Variants in OVOL2 observed in about 807,000 individuals in gnomAD.
OVOL2 encodes transcription factor Ovo-like 2.
A neutral mutation model predicts 18.1 loss-of-function variants in OVOL2; 13 were observed. That is an observed-to-expected ratio of 0.72 (90% confidence interval 0.47 to 1.14). The LOEUF is 1.14. Ranked by LOEUF, OVOL2 falls within the 50% of genes most tolerant of loss-of-function variation. OVOL2 has a pLI of 0.00. For synonymous variants in OVOL2, 166 were observed against 162.7 expected (o/e 1.02, Z -0.16); for missense variants, 335 against 383.0 (o/e 0.87, Z 1.05).
At chr20:18,042,559 C>T (rs2036682071) in intron 2 of OVOL2, among the ~76,000 whole-genome samples, 1 of 151,764 alleles carries the variant, frequency 6.6e-6, no homozygotes, top group African/African-American at 2.4e-5. Context: ...GGTGGATCAC[C>T]TGAGGTCGGG....
At chr20:18,028,081 G>A (rs73094950) in intron 3 of OVOL2, among the ~76,000 whole-genome samples, 1,674 of 152,258 alleles carry the variant, frequency 0.011, 16 homozygotes, top group Non-Finnish European at 0.017. Flanking sequence ...GGAGAAACCC[G>A]CAGACCCTGT....
rs368398117 is a variant in OVOL2 at position 18,041,131 on chromosome 20, C to T, written c.511+403G>A. Among the ~76,000 whole-genome samples the T allele has an allele frequency of 2.0e-5, 3 of 152,290 alleles. No homozygotes were observed. In the South Asian group the frequency reaches 6.2e-4, roughly 32 times the overall value. ...GAGTCAGGAGGTGAACCCAGAAGGG[C>T]TGGCCCTAACGCCCCATCATCTTGT... On this transcript the variant is annotated intron_variant, in intron 3 of 3. Transcript: ENST00000278780.
At position 18,024,546 on chromosome 20, in the gene OVOL2, G is replaced by A; in HGVS notation, c.*90C>T. ...AGGTGAACTGGTCACTTCTAATTAA[G>A]AAGAGCCAGTGGGGTGGGGGAAGCT... On this transcript the variant is annotated 3_prime_UTR_variant, in exon 4 of 4. Coordinates refer to ENST00000278780, the MANE Select transcript of OVOL2 (RefSeq NM_021220.4). 6.8e-7 allele frequency: 1 copy of A among 1,464,166 alleles called. No individual in the cohort carries two copies. The highest frequency in any genetic ancestry group is 9.0e-7 in the Non-Finnish European group (1 of 1,105,640). The allele number at this position is 1,464,166 out of a possible 1,614,324, so 90.7% of individuals were successfully genotyped here.
chr20:18,027,886 C>T (rs575496977), intron 3 of OVOL2, among the ~76,000 whole-genome samples: 9 of 152,098 alleles, frequency 5.9e-5, no homozygotes, highest in South Asian at 2.1e-4. Context: ...TGAGCCACTG[C>T]GCCCGGCTGT....
intron 2 of OVOL2, among the ~76,000 whole-genome samples, chr20:18,044,874 G>A (rs1322752824): frequency 6.6e-6 from 1 of 152,166 alleles, no homozygotes; most frequent in Admixed American, 6.5e-5. Context: ...GTGTGGTTCA[G>A]CATGGCTAGC....
At chr20:18,025,624 C>G (rs922220278) in intron 3 of OVOL2, among the ~76,000 whole-genome samples, 1 of 152,064 alleles carries the variant, frequency 6.6e-6, no homozygotes, top group African/African-American at 2.4e-5. Flanking sequence ...GATTCCAGTA[C>G]AAGTAGTTTA....
chr20:18,040,944 C>T (rs1325275443), intron 3 of OVOL2, among the ~76,000 whole-genome samples: 2 of 152,128 alleles, frequency 1.3e-5, no homozygotes, highest in African/African-American at 4.8e-5. Context: ...TGTGGCAGGC[C>T]CCGCGTGTGT....
chr20:18,035,114 A>G (rs17803282), intron 3 of OVOL2, among the ~76,000 whole-genome samples: 18,384 of 152,244 alleles, frequency 0.12, 1,209 homozygotes, highest in Middle Eastern at 0.16. Context: ...TTTACTTATA[A>G]GAACCAATAG....
At position 18,054,690 on chromosome 20, in the gene OVOL2, T is replaced by A. The variant is rs544790315; in HGVS notation, c.321+1967A>T. Among the ~76,000 whole-genome samples, 5 of 143,520 alleles carry A rather than the reference T, an allele frequency of 3.5e-5. No homozygotes were observed. In the East Asian group the frequency reaches 1.0e-3, roughly 29 times the overall value. The allele number at this position is 143,520 out of a possible 152,430, so 94.2% of individuals were successfully genotyped here. ...CCGGGAGGCAGAGGTTGCAGTGAGCTAAGATCCAGCCATTGCACTCAGCTA... is the reference window on the plus strand; with the variant it reads ...CCGGGAGGCAGAGGTTGCAGTGAGCAAAGATCCAGCCATTGCACTCAGCTA... On this transcript the variant is annotated intron_variant, in intron 2 of 3. Coordinates refer to ENST00000278780, the MANE Select transcript of OVOL2 (RefSeq NM_021220.4).
rs528401680 is a variant in OVOL2, at chr20:18,025,153, AAAACAAAC to A, written c.512-209_512-202del. 4.5e-3 allele frequency among the ~76,000 whole-genome samples: 688 copies of A among 152,278 alleles called. 4 individuals carry two copies. The highest frequency in any genetic ancestry group is 8.3e-3 in the Non-Finnish European group (566 of 68,014). ...CTAACACAAACAGATGCCAACATAG[AAAACAAAC>A]AAACAAACAAACAAACAAAACCACC... On this transcript the variant is annotated intron_variant, in intron 3 of 3. Transcript: ENST00000278780.
At chr20:18,058,632 C>T (rs540282022), upstream of OVOL2, among the ~76,000 whole-genome samples, 3 of 151,932 alleles carry the variant, frequency 2.0e-5, no homozygotes, top group African/African-American at 7.2e-5. Context: ...AAACAAGCCC[C>T]CAATCCTCGC....
intron 2 of OVOL2, among the ~76,000 whole-genome samples, chr20:18,048,787 A>G (rs2036746618): frequency 6.6e-6 from 1 of 152,224 alleles, no homozygotes; most frequent in South Asian, 2.1e-4. Context: ...CGTGACAGTG[A>G]AATCTGACCT....
At chr20:18,038,174 C>G (rs571138303) in intron 3 of OVOL2, among the ~76,000 whole-genome samples, 3 of 152,086 alleles carry the variant, frequency 2.0e-5, no homozygotes, top group Non-Finnish European at 4.4e-5. Context: ...AGTTATTCCT[C>G]CCTATGTTGG....
At chr20:18,039,153 G>GGCA (rs200711745) in intron 3 of OVOL2, among the ~76,000 whole-genome samples, 1,743 of 152,328 alleles carry the variant, frequency 0.011, 27 homozygotes, top group African/African-American at 0.037. Flanking sequence ...GAGAGAAAAA[G>GGCA]GCAGACTGAG....
intron 3 of OVOL2, among the ~76,000 whole-genome samples, chr20:18,028,430 G>T (rs994286645): frequency 2.0e-5 from 3 of 151,922 alleles, no homozygotes; most frequent in African/African-American, 7.2e-5. Flanking sequence ...ACCTGCCTTG[G>T]CCTCTCAAAG....
chr20:18,058,414 C>CCA (rs1555797000), upstream of OVOL2, among the ~76,000 whole-genome samples: 100 of 149,692 alleles, frequency 6.7e-4, no homozygotes, highest in African/African-American at 2.3e-3. Flanking sequence ...ACCCCCCCCC[C>CCA]ATAAGCAGTA....
intron 3 of OVOL2, among the ~76,000 whole-genome samples, chr20:18,039,677 CTA>C (rs1213131093): frequency 6.7e-6 from 1 of 149,994 alleles, no homozygotes; most frequent in African/African-American, 2.5e-5. Flanking sequence ...CAGAAAAGAA[CTA>C]TGTTAGGATT....
chr20:18,046,610 C>T (rs982981905), intron 2 of OVOL2, among the ~76,000 whole-genome samples: 51 of 152,162 alleles, frequency 3.4e-4, no homozygotes, highest in Non-Finnish European at 7.1e-4. Context: ...CAGTAATAAA[C>T]GTATCATTCT....
At chr20:18,054,780 A>AG (rs1568641000) in intron 2 of OVOL2, among the ~76,000 whole-genome samples, 3 of 138,704 alleles carry the variant, frequency 2.2e-5, no homozygotes, top group Non-Finnish European at 3.1e-5. Flanking sequence ...AAAAAAAAAA[A>AG]AAGAAAGAAA....
Sources: allele counts gnomAD v4.1 joint callset (sites outside exome capture counted in the v4.1 genomes callset), GRCh38; gene constraint gnomAD v4.1.1; transcripts MANE v1.5; gene names NCBI Gene and HGNC (gene_info 2026-07-23, HGNC 2026-07-21).